The following MAGI2 variants were observed in gnomAD, a reference collection of about 807,000 sequenced individuals.
MAGI2 encodes membrane associated guanylate kinase, WW and PDZ domain containing 2, also known as membrane-associated guanylate kinase, WW and PDZ domain-containing protein 2.
In MAGI2, 35 loss-of-function variants were observed where a neutral mutation model predicts 133.3. That is an observed-to-expected ratio of 0.26 (90% CI 0.20 to 0.35). The LOEUF (loss-of-function observed/expected upper bound fraction) is 0.35. MAGI2 is among the 10% of genes least tolerant of loss of function. The pLI, the probability that MAGI2 is intolerant of heterozygous loss-of-function variation, is 1.00. For missense variants in MAGI2, 1,636 were observed against 1,863.4 expected (o/e 0.88, Z 2.25); for synonymous variants, 729 against 710.6 (o/e 1.03, Z -0.41).
chr7:78,693,713 T>C (rs321999), intron 2 of MAGI2, among the ~76,000 whole-genome samples: 106,656 of 151,952 alleles, frequency 0.7, 37,726 homozygotes, highest in East Asian at 0.89. Context: ...AGTGCTCACT[T>C]AATCCCCAGA....
At chr7:78,659,452 GCAAAA>G (rs1324855899) in intron 2 of MAGI2, among the ~76,000 whole-genome samples, 2 of 65,032 alleles carry the variant, frequency 3.1e-5, no homozygotes, top group East Asian at 4.6e-4. Flanking sequence ...AAAAAAAAAA[GCAAAA>G]CAAAACAAAA....
intron 2 of MAGI2, among the ~76,000 whole-genome samples, chr7:78,973,840 C>T (rs1051218935): frequency 6.6e-6 from 1 of 151,786 alleles, no homozygotes; most frequent in African/African-American, 2.4e-5. Flanking sequence ...ACAATAGTCA[C>T]CTTTGGCCCC....
chr7:78,701,965 C>T (rs1818119792), intron 2 of MAGI2, among the ~76,000 whole-genome samples: 3 of 151,866 alleles, frequency 2.0e-5, no homozygotes, highest in Non-Finnish European at 2.9e-5. Context: ...TAGGATGTGC[C>T]AGGATTCTCC....
intron 14 of MAGI2, among the ~76,000 whole-genome samples, chr7:78,173,958 C>T (rs2691529): frequency 0.74 from 112,604 of 152,050 alleles, 41,768 homozygotes; most frequent in Non-Finnish European, 0.76. Context: ...TGAAATTAAT[C>T]GGCGCTCAAC....
chr7:79,056,152 C>T (rs896316200), intron 1 of MAGI2, among the ~76,000 whole-genome samples: 2 of 152,052 alleles, frequency 1.3e-5, no homozygotes, highest in African/African-American at 2.4e-5. Flanking sequence ...CCAGCCCTTT[C>T]GGGGGCTGAG....
chr7:79,136,003 G>GAAAGAAAGAAAGAGAA (rs749343638), intron 1 of MAGI2, among the ~76,000 whole-genome samples: 681 of 40,510 alleles, frequency 0.017, 7 homozygotes, highest in Non-Finnish European at 0.022. Context: ...AAGAAAGAAA[G>GAAAGAAAGAAAGAGAA]AGAAAGAAAG....
chr7:78,377,201 C>A (rs1438599187), intron 6 of MAGI2, among the ~76,000 whole-genome samples: 1 of 151,996 alleles, frequency 6.6e-6, no homozygotes, highest in Non-Finnish European at 1.5e-5. Flanking sequence ...ATAACCTACA[C>A]CTACAACATT....
intron 12 of MAGI2, among the ~76,000 whole-genome samples, chr7:78,188,737 T>C (rs747185235): frequency 2.6e-5 from 4 of 152,174 alleles, no homozygotes; most frequent in Admixed American, 6.5e-5. Context: ...GAAGGCATGA[T>C]GGCCTTTCAT....
chr7:79,399,919 C>T (rs1184112508), intron 1 of MAGI2, among the ~76,000 whole-genome samples: 1 of 152,106 alleles, frequency 6.6e-6, no homozygotes, highest in Non-Finnish European at 1.5e-5. Flanking sequence ...ATTAGTGTTC[C>T]ATCTATTTAC....
intron 1 of MAGI2, among the ~76,000 whole-genome samples, chr7:79,334,868 C>T (rs1840328200): frequency 6.6e-6 from 1 of 152,112 alleles, no homozygotes. Flanking sequence ...TTCTTGAAAG[C>T]ATAATTCAAT....
At chr7:79,452,598 G>T (rs1399408219) in intron 1 of MAGI2, among the ~76,000 whole-genome samples, 2 of 152,032 alleles carry the variant, frequency 1.3e-5, no homozygotes, top group African/African-American at 4.8e-5. Flanking sequence ...AGACCCGCTG[G>T]TGATGCCGCT....
intron 4 of MAGI2, among the ~76,000 whole-genome samples, chr7:78,507,580 A>C (rs1287664887): frequency 1.3e-5 from 2 of 152,172 alleles, no homozygotes; most frequent in Non-Finnish European, 2.9e-5. Flanking sequence ...TGGAGAAGAC[A>C]TGTCTCCCCC....
In MAGI2 at chr7:78,263,014, G is replaced by A. The variant is rs183364176; in HGVS notation, c.1409-6433C>T. Among the ~76,000 whole-genome samples, 71 of 152,112 alleles carry A rather than the reference G, an allele frequency of 4.7e-4. No homozygotes were observed. The East Asian group carries it at 0.013, about 28-fold the overall frequency. On this transcript the variant is annotated intron_variant, in intron 9 of 21. Coordinates refer to ENST00000354212, the MANE Select transcript of MAGI2 (RefSeq NM_012301.4). ...TGTCTAGTAGTCCCCAGTGTCTATC[G>A]TTGCCATCTTTATGTCCATGAATAT...
At chr7:79,185,209 A>T (rs113957287) in intron 1 of MAGI2, among the ~76,000 whole-genome samples, 4,078 of 151,988 alleles carry the variant, frequency 0.027, 90 homozygotes, top group East Asian at 0.04. Flanking sequence ...AAAGAAAAGG[A>T]TCTGAAGGAA....
At chr7:78,086,842 C>T (rs1816697688) in intron 20 of MAGI2, among the ~76,000 whole-genome samples, 1 of 151,906 alleles carries the variant, frequency 6.6e-6, no homozygotes, top group Non-Finnish European at 1.5e-5. Context: ...GCCATGTTGC[C>T]CAGGCTGGTC....
chr7:79,119,534 T>A (rs1277806378), intron 1 of MAGI2, among the ~76,000 whole-genome samples: 1 of 152,094 alleles, frequency 6.6e-6, no homozygotes, highest in African/African-American at 2.4e-5. Context: ...ATGAAATTCA[T>A]AAAAACTGAA....
At chr7:79,397,781 T>C (rs1767235168) in intron 1 of MAGI2, among the ~76,000 whole-genome samples, 1 of 152,136 alleles carries the variant, frequency 6.6e-6, no homozygotes, top group South Asian at 2.1e-4. Flanking sequence ...AACCTTTTCT[T>C]TATTGGGATG....
chr7:78,394,122 T>A lies in MAGI2; in HGVS notation c.1046-24909A>T, dbSNP rs1796134748. 1.3e-5 allele frequency among the ~76,000 whole-genome samples: 2 copies of A among 152,070 alleles called. 1 individual carries two copies. The highest frequency in any genetic ancestry group is 1.3e-4 in the Admixed American group (2 of 15,258). ...TCTGATGTCTGAGGGCAGGAGAAGA[T>A]GGAGGACCCAGCTCAAGAAGAGAGA... On this transcript the variant is annotated intron_variant, in intron 6 of 21. Transcript: ENST00000354212.
intron 2 of MAGI2, among the ~76,000 whole-genome samples, chr7:78,634,003 T>G (rs947606082): frequency 1.8e-4 from 28 of 152,316 alleles, no homozygotes; most frequent in African/African-American, 6.5e-4. Context: ...CAAATATCAT[T>G]GGTGGTATCT....
Sources: gnomAD v4.1 joint callset for allele counts (sites outside exome capture counted in the v4.1 genomes callset) on GRCh38, gnomAD v4.1.1 for gene constraint, MANE v1.5 for transcripts, NCBI Gene and HGNC (gene_info 2026-07-23, HGNC 2026-07-21) for gene names.